The following TBC1D5 variants were observed in gnomAD, a reference collection of about 807,000 sequenced individuals.
The protein encoded by TBC1D5 is TBC1 domain family member 5.
In TBC1D5, 75 loss-of-function variants were observed where a neutral mutation model predicts 100.3. The observed-to-expected ratio is 0.75, with a 90% CI of 0.62 to 0.91. The LOEUF is 0.91. TBC1D5 is among the 40% of genes least tolerant of loss of function. TBC1D5 has a pLI of 0.00. For synonymous variants in TBC1D5, 323 were observed against 325.6 expected, an observed-to-expected ratio of 0.99 and a Z score of 0.09; for missense variants, 910 against 942.4, an observed-to-expected ratio of 0.97 and a Z score of 0.45.
At chr3:17,212,672 G>C (rs377597194) in intron 18 of TBC1D5, among the ~76,000 whole-genome samples, 42 of 151,962 alleles carry the variant, frequency 2.8e-4, no homozygotes, top group African/African-American at 9.7e-4. Flanking sequence ...TGATGATCCT[G>C]ACCCTGGTTA....
chr3:17,577,404 G>A (rs2096664232), intron 2 of TBC1D5, among the ~76,000 whole-genome samples: 1 of 151,948 alleles, frequency 6.6e-6, no homozygotes, highest in Non-Finnish European at 1.5e-5. Flanking sequence ...TGGAATTACT[G>A]TATCAGTGCA....
intron 18 of TBC1D5, among the ~76,000 whole-genome samples, chr3:17,210,512 G>A (rs1009731041): frequency 1.3e-5 from 2 of 152,032 alleles, no homozygotes; most frequent in East Asian, 3.9e-4. Context: ...TCAAAGTATC[G>A]CTCCATTGTC....
chr3:17,676,358 C>T (rs1057093623), intron 1 of TBC1D5, among the ~76,000 whole-genome samples: 3 of 152,042 alleles, frequency 2.0e-5, no homozygotes, highest in African/African-American at 7.2e-5. Flanking sequence ...ACACCAATAA[C>T]AGACAAACAG....
intron 13 of TBC1D5, among the ~76,000 whole-genome samples, chr3:17,331,854 C>T (rs1014876982): frequency 6.6e-5 from 10 of 152,150 alleles, no homozygotes; most frequent in Non-Finnish European, 1.0e-4. Flanking sequence ...AACAGCTTGA[C>T]GTGTTTGAGG....
intron 2 of TBC1D5, among the ~76,000 whole-genome samples, chr3:17,586,927 T>C (rs1171071006): frequency 6.6e-6 from 1 of 152,034 alleles, no homozygotes; most frequent in Non-Finnish European, 1.5e-5. Flanking sequence ...TAACACATAG[T>C]AAAATAATAT....
intron 17 of TBC1D5, among the ~76,000 whole-genome samples, chr3:17,216,543 G>C (rs967879643): frequency 4.6e-5 from 7 of 152,220 alleles, no homozygotes; most frequent in African/African-American, 7.2e-5. Context: ...GCTGAGCCTT[G>C]AAGGACCCCT....
At chr3:17,526,510 A>G (rs1224925371) in intron 2 of TBC1D5, among the ~76,000 whole-genome samples, 2 of 152,126 alleles carry the variant, frequency 1.3e-5, no homozygotes, top group African/African-American at 4.8e-5. Context: ...TACTATTGAC[A>G]CTGGTGATTT....
chr3:17,356,492 A>G (rs1213634674), intron 13 of TBC1D5, among the ~76,000 whole-genome samples: 1 of 152,180 alleles, frequency 6.6e-6, no homozygotes, highest in South Asian at 2.1e-4. Flanking sequence ...TGCTTACTAA[A>G]TATCTGCTTA....
intron 2 of TBC1D5, among the ~76,000 whole-genome samples, chr3:17,535,705 A>T (rs1010760848): frequency 5.9e-5 from 9 of 152,150 alleles, no homozygotes; most frequent in African/African-American, 2.2e-4. Flanking sequence ...TAAAATAAAA[A>T]AAAGTTGCGG....
chr3:17,667,124 T>C (rs1274794246), intron 1 of TBC1D5, among the ~76,000 whole-genome samples: 1 of 152,166 alleles, frequency 6.6e-6, no homozygotes, highest in African/African-American at 2.4e-5. Context: ...ATGAAAAGCT[T>C]TGTAAATGAG....
chr3:17,375,264 C>T (rs1383458504), intron 10 of TBC1D5, among the ~76,000 whole-genome samples: 2 of 149,368 alleles, frequency 1.3e-5, no homozygotes, highest in African/African-American at 5.1e-5. Context: ...AGAATACACT[C>T]ACATGTTAAA....
At chr3:17,459,807 G>A (rs6783550) in intron 3 of TBC1D5, among the ~76,000 whole-genome samples, 149,544 of 152,360 alleles carry the variant, frequency 0.98, 73,406 homozygotes, top group Middle Eastern at 1. Flanking sequence ...TGAATTGCTC[G>A]TAACACATAG....
intron 3 of TBC1D5, among the ~76,000 whole-genome samples, chr3:17,435,970 T>C (rs78118432): frequency 0.022 from 3,414 of 152,318 alleles, 123 homozygotes; most frequent in African/African-American, 0.077. Context: ...AGAGCCAGTC[T>C]GCAAAGACAG....
intron 9 of TBC1D5, among the ~76,000 whole-genome samples, chr3:17,383,080 G>A (rs564366760): frequency 3.1e-4 from 47 of 151,886 alleles, no homozygotes; most frequent in Non-Finnish European, 4.3e-4. Context: ...AAAAATGTAC[G>A]ATTTGGTATA....
chr3:17,495,211 C>A (rs1218703076), intron 3 of TBC1D5, among the ~76,000 whole-genome samples: 1 of 152,224 alleles, frequency 6.6e-6, no homozygotes, highest in Non-Finnish European at 1.5e-5. Context: ...AAGCAGCCAT[C>A]TTGGCCCCAC....
At chr3:17,167,661 G>C (rs56166267) in intron 20 of TBC1D5, 88 bp downstream of exon 21, 267,786 of 1,177,800 alleles carry the variant, frequency 0.23, 37,414 homozygotes, top group East Asian at 0.64. Flanking sequence ...GGGGATGCTG[G>C]CTCTAACATC....
At chr3:17,307,684 T>C (rs962189468) in intron 14 of TBC1D5, among the ~76,000 whole-genome samples, 8 of 152,180 alleles carry the variant, frequency 5.3e-5, no homozygotes, top group African/African-American at 1.9e-4. Context: ...AATACTTGCT[T>C]TTATATATGC....
chr3:17,697,343 T>C (rs1315544091), intron 1 of TBC1D5, among the ~76,000 whole-genome samples: 1 of 152,234 alleles, frequency 6.6e-6, no homozygotes, highest in Non-Finnish European at 1.5e-5. Flanking sequence ...CATGATTGTA[T>C]ATTTAGAAAA....
intron 2 of TBC1D5, among the ~76,000 whole-genome samples, chr3:17,531,281 T>A (rs2096220772): frequency 6.6e-6 from 1 of 152,138 alleles, no homozygotes; most frequent in Non-Finnish European, 1.5e-5. Flanking sequence ...TTACAAGGGA[T>A]GTGAAGGACT....
Sources: gnomAD v4.1 joint callset for allele counts (sites outside exome capture counted in the v4.1 genomes callset) on GRCh38, gnomAD v4.1.1 for gene constraint, MANE v1.5 for transcripts, NCBI Gene and HGNC (gene_info 2026-07-23, HGNC 2026-07-21) for gene names.